Variants in POU6F2 observed in about 807,000 individuals in gnomAD.
The protein encoded by POU6F2 is POU class 6 homeobox 2.
In POU6F2, 31 loss-of-function variants were observed where a neutral mutation model predicts 71.3. The ratio of observed to expected loss-of-function variants is 0.43; its 90% CI spans 0.33 to 0.59. The LOEUF is 0.59. Among genes scored for constraint, POU6F2 ranks in the 20% least tolerant of loss-of-function variants. POU6F2 has a pLI of 0.04. For missense variants in POU6F2, 783 were observed against 856.8 expected (o/e 0.91, Z 1.07); for synonymous variants, 347 against 355.7 (o/e 0.98, Z 0.27).
chr7:39,433,299 C>A lies in POU6F2; in HGVS notation c.1320+16C>A. The stretch of plus-strand genomic sequence containing the variant: ...CGGCCAGCAGGTAAATGTTCCAGGC[C>A]AAGGCAGCCATGGCACAGGACACTG... On this transcript the variant is annotated intron_variant, in intron 7 of 9. Transcript: ENST00000518318. 1 of 1,613,686 alleles carries A rather than the reference C, an allele frequency of 6.2e-7. No homozygotes were observed. The highest frequency in any genetic ancestry group is 8.5e-7 in the Non-Finnish European group (1 of 1,179,680).
At chr7:39,073,169 C>T (rs964573305) in intron 1 of POU6F2, among the ~76,000 whole-genome samples, 1 of 152,052 alleles carries the variant, frequency 6.6e-6, no homozygotes, top group African/African-American at 2.4e-5. Context: ...TGATTCAGAG[C>T]CATCCCCAAT....
intron 1 of POU6F2, among the ~76,000 whole-genome samples, chr7:39,034,814 G>A (rs1239060869): frequency 3.9e-5 from 6 of 152,056 alleles, no homozygotes; most frequent in Non-Finnish European, 7.4e-5. Context: ...CAAGTTTGGC[G>A]CCCTGTTATT....
intron 2 of POU6F2, among the ~76,000 whole-genome samples, chr7:39,148,248 AATT>A (rs1488547367): frequency 6.6e-6 from 1 of 152,186 alleles, no homozygotes; most frequent in Admixed American, 6.5e-5. Flanking sequence ...CCTTCTTGAG[AATT>A]GACAGGATTT....
chr7:39,003,541 C>T (rs1173043386), intron 1 of POU6F2, among the ~76,000 whole-genome samples: 1 of 144,312 alleles, frequency 6.9e-6, no homozygotes, highest in South Asian at 2.2e-4. Context: ...AGATCGAGAC[C>T]ATCGGGTCTA....
In POU6F2 at chr7:39,433,172, G is replaced by C; in HGVS notation, c.1209G>C (p.Gln403His). ...QGLQVQPITP[Q>H]LLTNAQGQII... Reference sequence around the variant, plus strand: ...TGCAAGTGCAGCCAATCACCCCCCAGCTCCTCACAAACGCCCAGGGCCAGA... The same window carrying C: ...TGCAAGTGCAGCCAATCACCCCCCACCTCCTCACAAACGCCCAGGGCCAGA... The change falls in exon 7 of 10, where the codon CAG becomes CAC. Residue 403 changes from glutamine to histidine, a missense_variant. Around this residue, in one of 2 missense-constraint regions of POU6F2, gnomAD observed 572 missense variants for 572.9 expected, o/e 1.00. Transcript: ENST00000518318. The C allele has an allele frequency of 6.2e-7, 1 of 1,613,770 alleles. No homozygotes were observed. The highest frequency in any genetic ancestry group is 1.1e-5 in the South Asian group (1 of 91,072).
intron 4 of POU6F2, among the ~76,000 whole-genome samples, chr7:39,221,455 A>T (rs1406463520): frequency 1.6e-5 from 2 of 128,498 alleles, no homozygotes; most frequent in African/African-American, 3.0e-5. Flanking sequence ...CGGTGGCATG[A>T]TCTCAGCTCA....
chr7:39,414,618 C>G (rs1269388966), intron 6 of POU6F2, among the ~76,000 whole-genome samples: 3 of 152,192 alleles, frequency 2.0e-5, no homozygotes, highest in African/African-American at 7.2e-5. Context: ...ACGCGCGGGA[C>G]GTCAGGGCCC....
chr7:39,096,581 C>T (rs545349085), intron 2 of POU6F2, among the ~76,000 whole-genome samples: 15 of 152,288 alleles, frequency 9.8e-5, no homozygotes, highest in African/African-American at 3.1e-4. Flanking sequence ...AAATGGCCCA[C>T]ACTCGTTCTG....
At chr7:39,059,901 T>C (rs1437297166) in intron 1 of POU6F2, among the ~76,000 whole-genome samples, 2 of 152,006 alleles carry the variant, frequency 1.3e-5, no homozygotes, top group African/African-American at 4.8e-5. Context: ...CTTGAAAACA[T>C]TGTGCTAAGT....
chr7:39,114,224 C>G (rs1041764014), intron 2 of POU6F2, among the ~76,000 whole-genome samples: 2 of 152,114 alleles, frequency 1.3e-5, no homozygotes, highest in Non-Finnish European at 2.9e-5. Flanking sequence ...TTGTTAACAG[C>G]CATGTGATGG....
intron 2 of POU6F2, among the ~76,000 whole-genome samples, chr7:39,183,870 A>G (rs535130905): frequency 7.2e-5 from 11 of 152,338 alleles, no homozygotes; most frequent in African/African-American, 2.6e-4. Flanking sequence ...TCATCATTAT[A>G]ACACAAAACA....
chr7:39,434,660 A>G (rs1315596247), intron 7 of POU6F2, among the ~76,000 whole-genome samples: 1 of 151,686 alleles, frequency 6.6e-6, no homozygotes, highest in Non-Finnish European at 1.5e-5. Flanking sequence ...TAAAAAAAAA[A>G]GCAAAAACAA....
intron 2 of POU6F2, among the ~76,000 whole-genome samples, chr7:39,164,059 T>C (rs1793056541): frequency 6.6e-6 from 1 of 152,130 alleles, no homozygotes; most frequent in Non-Finnish European, 1.5e-5. Flanking sequence ...TGATGCATTG[T>C]ATACTTGAAA....
At chr7:39,270,188 G>C (rs1784317214) in intron 4 of POU6F2, among the ~76,000 whole-genome samples, 1 of 152,178 alleles carries the variant, frequency 6.6e-6, no homozygotes, top group Admixed American at 6.5e-5. Flanking sequence ...ACATGCCTAA[G>C]GCTTGGTATC....
At chr7:39,414,665 G>C (rs956131006) in intron 6 of POU6F2, among the ~76,000 whole-genome samples, 1 of 152,180 alleles carries the variant, frequency 6.6e-6, no homozygotes, top group South Asian at 2.1e-4. Flanking sequence ...TTAAGACTGC[G>C]GGTGCGGCCC....
intron 2 of POU6F2, among the ~76,000 whole-genome samples, chr7:39,174,975 T>C: frequency 6.6e-6 from 1 of 152,198 alleles, no homozygotes; most frequent in Non-Finnish European, 1.5e-5. Context: ...TCTTCTCCTG[T>C]GACCTCTCTC....
intron 5 of POU6F2, among the ~76,000 whole-genome samples, chr7:39,361,600 T>C (rs1022012331): frequency 6.6e-6 from 1 of 152,240 alleles, no homozygotes; most frequent in African/African-American, 2.4e-5. Context: ...ATTTAACTTA[T>C]TTTCCTCCTA....
intron 6 of POU6F2, among the ~76,000 whole-genome samples, chr7:39,429,413 A>G (rs938810973): frequency 2.0e-5 from 3 of 152,182 alleles, no homozygotes; most frequent in Admixed American, 2.0e-4. Flanking sequence ...ACGTGGGTAT[A>G]GAGATTTTTC....
intron 2 of POU6F2, among the ~76,000 whole-genome samples, chr7:39,119,126 C>T (rs1791990852): frequency 6.6e-6 from 1 of 152,096 alleles, no homozygotes; most frequent in Admixed American, 6.5e-5. Flanking sequence ...AGACGGGACC[C>T]AGGAAAGAGG....
Sources: gnomAD v4.1 joint callset for allele counts (sites outside exome capture counted in the v4.1 genomes callset) on GRCh38, gnomAD v4.1.1 for gene constraint, gnomAD v4.1.1 regional missense constraint, MANE v1.5 for transcripts, NCBI Gene and HGNC (gene_info 2026-07-23, HGNC 2026-07-21) for gene names.